F13B: variants seen among roughly 807,000 people sequenced by gnomAD.
F13B encodes coagulation factor XIII B chain, also known as TGase.
In F13B, 58 loss-of-function variants were observed where a neutral mutation model predicts 79.8. The observed-to-expected ratio is 0.73, with a 90% CI of 0.59 to 0.90. The LOEUF is 0.90. Among genes scored for constraint, F13B ranks in the 40% least tolerant of loss-of-function variants. The pLI is 0.00. For synonymous variants in F13B, 283 were observed against 260.3 expected, an observed-to-expected ratio of 1.09 and a Z score of -0.84; for missense variants, 773 against 777.0, an observed-to-expected ratio of 0.99 and a Z score of 0.06.
chr1:197,067,080 AT>A, intron 1 of F13B, 79 bp downstream of exon 1: 1 of 728,208 alleles, frequency 1.4e-6, no homozygotes, highest in Non-Finnish European at 2.3e-6. Flanking sequence ...AGAAGAGTAT[AT>A]TAAAACTTGA....
At chr1:197,054,219 A>G (rs1165867236) in intron 8 of F13B, among the ~76,000 whole-genome samples, 1 of 152,106 alleles carries the variant, frequency 6.6e-6, no homozygotes, top group Non-Finnish European at 1.5e-5. Flanking sequence ...ATTTCCTTAA[A>G]TGTTGTTATT....
chr1:197,051,598 T>C (rs547279360), intron 9 of F13B, among the ~76,000 whole-genome samples: 1 of 152,212 alleles, frequency 6.6e-6, no homozygotes, highest in South Asian at 2.1e-4. Context: ...ACCTCTTGAT[T>C]TTTTCCCTTC....
chr1:197,041,725 T>C (rs1655043101), intron 10 of F13B, among the ~76,000 whole-genome samples: 1 of 152,210 alleles, frequency 6.6e-6, no homozygotes, highest in Admixed American at 6.5e-5. Context: ...TCATGTCTTC[T>C]GCCCACAAAT....
At chr1:197,061,625 AC>A (rs1462536608) in intron 3 of F13B, among the ~76,000 whole-genome samples, 158 bp downstream of exon 3, 6 of 152,066 alleles carry the variant, frequency 3.9e-5, no homozygotes, top group African/African-American at 1.2e-4. Context: ...TTAAGGAATC[AC>A]CTAGTACTTG....
chr1:197,066,950 T>C (rs1267770122), intron 1 of F13B, among the ~76,000 whole-genome samples: 1 of 152,120 alleles, frequency 6.6e-6, no homozygotes, highest in Admixed American at 6.6e-5. Context: ...TTTTGTTTTG[T>C]TTTGCTTTTC....
In F13B at chr1:197,057,144, G is replaced by T; in HGVS notation, c.1040C>A (p.Ala347Glu). ...GTAATAAATCTTAGAGTGTAAATTT[G>T]CTGCACCATTTTCAATGAAGGGTGG... ...EEPPFIENGA[A>E]NLHSKIYYNG... The change falls in exon 7 of 12, where the codon GCA (alanine) becomes GAA (glutamate). Residue 347 changes from alanine (A) to glutamate (E), a missense_variant. By Grantham distance (107) the Ala-to-Glu change is moderately radical (BLOSUM62 -1). Coordinates refer to ENST00000367412, the MANE Select transcript of F13B (RefSeq NM_001994.3). 6.2e-7 allele frequency: 1 copy of T among 1,613,842 alleles called. No homozygotes were observed. The highest frequency in any genetic ancestry group is 8.5e-7 in the Non-Finnish European group (1 of 1,179,914).
intron 2 of F13B, 109 bp downstream of exon 2, chr1:197,062,748 T>C: frequency 1.0e-6 from 1 of 972,162 alleles, no homozygotes; most frequent in Non-Finnish European, 1.7e-6. Flanking sequence ...GTGATTTTGT[T>C]CTTATCTACT....
intron 10 of F13B, among the ~76,000 whole-genome samples, chr1:197,047,523 G>A (rs1179957022): frequency 6.6e-6 from 1 of 152,146 alleles, no homozygotes; most frequent in Non-Finnish European, 1.5e-5. Flanking sequence ...AGAAATAGGA[G>A]CGCTTTTACA....
At chr1:197,046,287 T>C (rs928881088) in intron 10 of F13B, among the ~76,000 whole-genome samples, 1 of 152,172 alleles carries the variant, frequency 6.6e-6, no homozygotes, top group Non-Finnish European at 1.5e-5. Flanking sequence ...GCCCAAAATC[T>C]CCTTAAGCTG....
chr1:197,066,110 C>T (rs1376989210), intron 1 of F13B, among the ~76,000 whole-genome samples: 1 of 151,588 alleles, frequency 6.6e-6, no homozygotes, highest in Admixed American at 6.6e-5. Context: ...GCTGGTATTT[C>T]CCTATTTAGA....
chr1:197,061,912 T>A lies in F13B; in HGVS notation c.323A>T (p.Tyr108Phe), dbSNP rs759690063. 1.9e-6 allele frequency: 3 copies of A among 1,613,050 alleles called. No homozygotes were observed. The South Asian group carries it at 3.3e-5, about 18-fold the overall frequency. The change falls in exon 3 of 12, where the codon TAT becomes TTT. Residue 108 changes from tyrosine to phenylalanine, a missense_variant. Tyr to Phe is a conservative substitution (Grantham distance 22). Transcript: ENST00000367412. ...ATAACGCATGTTCTCTTGAATTTTA[T>A]ACAATAACTTTACATCAGAGATGTA... ...NGYISDVKLL[Y>F]KIQENMRYGC... is the part of the protein sequence containing the mutation.
intron 1 of F13B, 68 bp from the exon 2 acceptor site, chr1:197,063,125 G>T: frequency 7.1e-7 from 1 of 1,408,376 alleles, no homozygotes; most frequent in Non-Finnish European, 1.0e-6. Context: ...GTAATCAGGT[G>T]ACAATACAAA....
chr1:197,046,501 G>A (rs574163155), intron 10 of F13B, among the ~76,000 whole-genome samples: 245 of 152,224 alleles, frequency 1.6e-3, no homozygotes, highest in Middle Eastern at 3.4e-3. Context: ...ACTGCCCAAC[G>A]AAATAAAAGA....
chr1:197,053,863 G>GT (rs1655540209), intron 8 of F13B, among the ~76,000 whole-genome samples: 1 of 151,798 alleles, frequency 6.6e-6, no homozygotes, highest in Non-Finnish European at 1.5e-5. Flanking sequence ...CCAAGCAAAG[G>GT]GAACAACCAG....
intron 5 of F13B, among the ~76,000 whole-genome samples, chr1:197,058,299 A>G (rs1655723064): frequency 6.6e-6 from 1 of 152,196 alleles, no homozygotes; most frequent in East Asian, 1.9e-4. Flanking sequence ...TCTAAATTAA[A>G]GTCTCCTGCT....
At chr1:197,059,581 T>C (rs957363124) in intron 5 of F13B, among the ~76,000 whole-genome samples, 1 of 152,176 alleles carries the variant, frequency 6.6e-6, no homozygotes, top group Non-Finnish European at 1.5e-5. Context: ...GCTACTTATC[T>C]CTTAAGACCC....
rs768381600 is a variant in F13B, at chr1:197,060,482, G to A, written c.689C>T (p.Thr230Ile). Residue 230 changes from threonine (T) to isoleucine (I), a missense_variant, in exon 5 of 12, where the codon ACC (threonine) becomes ATC (isoleucine). Coordinates refer to ENST00000367412, the MANE Select transcript of F13B (RefSeq NM_001994.3). Reference sequence around the variant, plus strand: ...CTGAACGACATCTCCTTCTTCATAGGTTTGCTTTACAGGATGAAAATAACC... The same window carrying A: ...CTGAACGACATCTCCTTCTTCATAGATTTGCTTTACAGGATGAAAATAACC... The part of the protein sequence containing the change: ...ENGYFHPVKQ[T>I]YEEGDVVQFF... 3.1e-6 allele frequency: 5 copies of A among 1,607,502 alleles called. No homozygotes were observed. Among genetic ancestry groups the A allele is most frequent in the Admixed American group, 1.7e-5 (1 of 59,480 alleles).
At chr1:197,053,604 C>A (rs1255358122) in intron 8 of F13B, among the ~76,000 whole-genome samples, 1 of 151,944 alleles carries the variant, frequency 6.6e-6, no homozygotes, top group African/African-American at 2.4e-5. Flanking sequence ...TCAGGTATGT[C>A]TTTATTAGCA....
At chr1:197,044,736 A>G (rs1217490388) in intron 10 of F13B, among the ~76,000 whole-genome samples, 1 of 152,194 alleles carries the variant, frequency 6.6e-6, no homozygotes, top group Non-Finnish European at 1.5e-5. Flanking sequence ...CACTTATTCC[A>G]AAATTGACCA....
Sources: gnomAD v4.1 joint callset for allele counts (sites outside exome capture counted in the v4.1 genomes callset) on GRCh38, gnomAD v4.1.1 for gene constraint, MANE v1.5 for transcripts, NCBI Gene and HGNC (gene_info 2026-07-23, HGNC 2026-07-21) for gene names.